The following APBB2 variants were observed in gnomAD, a reference collection of about 807,000 sequenced individuals.
The protein encoded by APBB2 is Fe65-like 1.
A neutral mutation model predicts 82.5 loss-of-function variants in APBB2; 38 were observed. The observed-to-expected ratio is 0.46, with a 90% CI of 0.36 to 0.60. The LOEUF is 0.60. APBB2 is among the 20% of genes least tolerant of loss of function. The probability of loss-of-function intolerance (pLI) is 0.00; values close to 1 mark genes in which losing one functional copy is unlikely to be tolerated. For synonymous variants in APBB2, 341 were observed against 368.2 expected, an observed-to-expected ratio of 0.93 and a Z score of 0.85; for missense variants, 772 against 972.3, an observed-to-expected ratio of 0.79 and a Z score of 2.74.
At chr4:41,104,629 C>T (rs28523308) in intron 2 of APBB2, among the ~76,000 whole-genome samples, 30,851 of 152,080 alleles carry the variant, frequency 0.2, 3,281 homozygotes, top group African/African-American at 0.26. Flanking sequence ...AATCCTCACC[C>T]TCCTCCCACC....
In APBB2 at chr4:41,012,538, G is replaced by C. The variant is rs137855958; in HGVS notation, c.835+1045C>G. ...TAGTATGCATCATTGAAAGTACTGG[G>C]ATTTTTAAAGGGCACTTCAAAAACG... On this transcript the variant is annotated intron_variant, in intron 6 of 17. Coordinates refer to ENST00000508593, the MANE Select transcript of APBB2 (RefSeq NM_004307.2). 1.7e-3 allele frequency among the ~76,000 whole-genome samples: 260 copies of C among 152,170 alleles called. 1 individual carries two copies. Among genetic ancestry groups the C allele is most frequent in the African/African-American group, 6.1e-3 (252 of 41,518 alleles).
rs58342460 is a variant in APBB2, at chr4:40,991,175, C to CTT, written c.835+22406_835+22407dup. Among the ~76,000 whole-genome samples the CTT allele has an allele frequency of 4.7e-3, 428 of 90,462 alleles. 4 individuals are homozygous for CTT. Among genetic ancestry groups the CTT allele is most frequent in the African/African-American group, 0.016 (383 of 23,518 alleles). The allele number at this position is 90,462 out of a possible 152,430, so 59.3% of individuals were successfully genotyped here. A position where few individuals can be genotyped will look rare whatever the true frequency, so the allele number is the denominator to read the frequency against. ...TTTTGTTGTGTGTGTGTGTGTTTTG[C>CTT]TTTTTTTTTTTTTTTTTTTTTTGTA... On this transcript the variant is annotated intron_variant, in intron 6 of 17. Coordinates refer to ENST00000508593, the MANE Select transcript of APBB2 (RefSeq NM_004307.2).
intron 12 of APBB2, among the ~76,000 whole-genome samples, chr4:40,862,453 G>T (rs564045780): frequency 1.3e-5 from 2 of 152,326 alleles, no homozygotes; most frequent in South Asian, 4.1e-4. Context: ...AAATATTTGA[G>T]ACTATTTTAA....
chr4:40,865,837 A>G (rs1763918721), intron 12 of APBB2, among the ~76,000 whole-genome samples: 1 of 152,264 alleles, frequency 6.6e-6, no homozygotes, highest in Non-Finnish European at 1.5e-5. Context: ...AACATGCTGA[A>G]CATCATTTGT....
intron 12 of APBB2, among the ~76,000 whole-genome samples, chr4:40,864,314 G>A (rs1382355207): frequency 6.6e-6 from 1 of 151,168 alleles, no homozygotes; most frequent in Non-Finnish European, 1.5e-5. Context: ...CCTGATTATT[G>A]CTCCTGGAGG....
rs116800756 is a variant in APBB2 at position 40,815,936 on chromosome 4, C to T, written c.*156G>A. On this transcript the variant is annotated 3_prime_UTR_variant, in exon 18 of 18. Coordinates refer to ENST00000508593, the MANE Select transcript of APBB2 (RefSeq NM_004307.2). ...TTCATATCACATGATGGTGGCAAGA[C>T]GAGAGAACATGCTTGTCTAACACTG... The T allele has an allele frequency of 1.7e-5, 14 of 813,924 alleles. No individual in the cohort carries two copies. Among genetic ancestry groups the T allele is most frequent in the Admixed American group, 7.3e-5 (3 of 41,038 alleles). 50.4% of individuals were successfully genotyped at this position (813,924 alleles called of 1,614,324 possible). A position where few individuals can be genotyped will look rare whatever the true frequency, so the allele number is the denominator to read the frequency against.
At chr4:41,141,369 C>T (rs1040405331) in intron 2 of APBB2, among the ~76,000 whole-genome samples, 13 of 151,854 alleles carry the variant, frequency 8.6e-5, no homozygotes, top group Non-Finnish European at 1.5e-4. Context: ...TGTGCACACG[C>T]GCATGTGTGC....
chr4:41,118,184 G>A (rs990511136), intron 2 of APBB2: 3 of 152,250 alleles, frequency 2.0e-5, no homozygotes, highest in Non-Finnish European at 4.4e-5. Flanking sequence ...ACGCACTCCA[G>A]CCTGGGTGAT....
intron 12 of APBB2, among the ~76,000 whole-genome samples, chr4:40,872,130 A>T (rs185798193): frequency 6.6e-6 from 1 of 152,252 alleles, no homozygotes; most frequent in African/African-American, 2.4e-5. Context: ...AGAAATGTTC[A>T]GTCAGCGCAT....
intron 1 of APBB2, among the ~76,000 whole-genome samples, chr4:41,181,295 T>C (rs1357110967): frequency 1.3e-5 from 2 of 152,190 alleles, no homozygotes; most frequent in East Asian, 3.9e-4. Context: ...CGCTACTCTT[T>C]CGGTTGCCTT....
intron 6 of APBB2, among the ~76,000 whole-genome samples, chr4:40,951,413 C>T (rs1321094286): frequency 6.6e-6 from 1 of 152,144 alleles, no homozygotes; most frequent in African/African-American, 2.4e-5. Flanking sequence ...AAAGATAATC[C>T]AAGCAAAAAG....
intron 6 of APBB2, among the ~76,000 whole-genome samples, chr4:40,981,076 C>T (rs1798344169): frequency 6.6e-6 from 1 of 152,158 alleles, no homozygotes; most frequent in African/African-American, 2.4e-5. Context: ...CTTGGCCAAG[C>T]CCATCCTTTT....
chr4:40,889,066 C>T (rs1396566641), intron 12 of APBB2, among the ~76,000 whole-genome samples: 1 of 152,256 alleles, frequency 6.6e-6, no homozygotes, highest in Non-Finnish European at 1.5e-5. Flanking sequence ...CAGGTGTGCG[C>T]ACATAATCCA....
intron 10 of APBB2, among the ~76,000 whole-genome samples, chr4:40,898,407 G>T (rs191654502): frequency 6.6e-6 from 1 of 152,188 alleles, no homozygotes; most frequent in East Asian, 1.9e-4. Flanking sequence ...GGGATTACAG[G>T]CATGCGCCAC....
At chr4:40,988,728 T>C (rs1251422249) in intron 6 of APBB2, among the ~76,000 whole-genome samples, 1 of 148,994 alleles carries the variant, frequency 6.7e-6, no homozygotes, top group African/African-American at 2.5e-5. Flanking sequence ...CTGTGACGAA[T>C]GATAAATAAA....
chr4:41,026,725 A>C (rs1342840080), intron 5 of APBB2, among the ~76,000 whole-genome samples: 1 of 152,144 alleles, frequency 6.6e-6, no homozygotes, highest in East Asian at 1.9e-4. Flanking sequence ...TTATTTGTTC[A>C]CTGGTTAATG....
At position 41,148,775 on chromosome 4, in the gene APBB2, CA is replaced by C. The variant is rs1761460948; in HGVS notation, c.-416-5634del. On this transcript the variant is annotated intron_variant, in intron 1 of 17. Transcript: ENST00000508593. ...TGCTTGTTAGCTCATTCATTTAGTA[CA>C]TTTTTTTAGCGAGCAATCACTATGT... 6.6e-5 allele frequency among the ~76,000 whole-genome samples: 10 copies of C among 152,246 alleles called. No homozygotes were observed. The South Asian group carries it at 2.1e-3, about 32-fold the overall frequency.
intron 2 of APBB2, among the ~76,000 whole-genome samples, chr4:41,109,708 G>A (rs1359034586): frequency 6.6e-6 from 1 of 152,188 alleles, no homozygotes; most frequent in Admixed American, 6.5e-5. Flanking sequence ...CTGACCTCAT[G>A]ATCTGCCCGC....
intron 2 of APBB2, among the ~76,000 whole-genome samples, chr4:41,133,800 G>C (rs1449958706): frequency 6.6e-6 from 1 of 152,122 alleles, no homozygotes; most frequent in Non-Finnish European, 1.5e-5. Context: ...TGCAGAGTAA[G>C]GGGGAGGGGA....
Sources: allele counts gnomAD v4.1 joint callset (sites outside exome capture counted in the v4.1 genomes callset), GRCh38; gene constraint gnomAD v4.1.1; transcripts MANE v1.5; gene names NCBI Gene and HGNC (gene_info 2026-07-23, HGNC 2026-07-21).